The following VAV3 variants were observed in gnomAD, a reference collection of about 807,000 sequenced individuals.
The protein encoded by VAV3 is guanine nucleotide exchange factor VAV3.
VAV3 carries 94 observed loss-of-function variants against 131.2 expected under a neutral mutation model. The observed-to-expected ratio is 0.72, with a 90% CI of 0.61 to 0.85. The LOEUF (loss-of-function observed/expected upper bound fraction) is 0.85, where lower values mean the gene tolerates loss of function less well. Among genes scored for constraint, VAV3 ranks in the 40% least tolerant of loss-of-function variants. The pLI is 0.00. For missense variants in VAV3, 939 were observed against 1,002.7 expected (o/e 0.94, Z 0.86); for synonymous variants, 349 against 342.0 (o/e 1.02, Z -0.22).
At chr1:107,657,057 C>T (rs372539845) in intron 19 of VAV3, among the ~76,000 whole-genome samples, 202 of 145,536 alleles carry the variant, frequency 1.4e-3, no homozygotes, top group Middle Eastern at 4.0e-3. Context: ...GGGTTCAAAG[C>T]AATTGTCCTG....
At chr1:107,598,696 A>G (rs1651593129) in intron 24 of VAV3, among the ~76,000 whole-genome samples, 1 of 152,168 alleles carries the variant, frequency 6.6e-6, no homozygotes, top group South Asian at 2.1e-4. Flanking sequence ...GGTGAATTTT[A>G]ACATGTTTTG....
intron 19 of VAV3, among the ~76,000 whole-genome samples, chr1:107,655,329 C>T (rs936362683): frequency 6.6e-6 from 1 of 152,052 alleles, no homozygotes; most frequent in African/African-American, 2.4e-5. Flanking sequence ...GCATTTACAG[C>T]CAAGTCATTT....
At position 107,874,943 on chromosome 1, in the gene VAV3, A is replaced by G. The variant is rs761346213; in HGVS notation, c.279T>C (p.Leu93=). The G allele has an allele frequency of 3.1e-6, 5 of 1,613,468 alleles. No homozygotes were observed. The Admixed American group carries it at 5.0e-5, about 16-fold the overall frequency. Residue 93 remains leucine, a synonymous_variant, in exon 2 of 27, where the codon CTT becomes CTC. Coordinates refer to ENST00000370056, the MANE Select transcript of VAV3 (RefSeq NM_006113.5). ...CETFGMRKSE[L]FEAFDLFDVR... ...CATCAAACAAGTCAAATGCCTCGAA[A>G]AGTTCACTTTTCCTCATTCCAAACG...
At chr1:107,868,069 A>G (rs1196530399) in intron 2 of VAV3, among the ~76,000 whole-genome samples, 1 of 152,200 alleles carries the variant, frequency 6.6e-6, no homozygotes, top group Non-Finnish European at 1.5e-5. Context: ...AAGCTGTCCC[A>G]GGAACCACAC....
chr1:107,844,316 G>A (rs78730096), intron 2 of VAV3, among the ~76,000 whole-genome samples: 5,742 of 152,164 alleles, frequency 0.038, 134 homozygotes, highest in East Asian at 0.069. Flanking sequence ...CACTATCTTC[G>A]CAACCCAAAG....
At chr1:107,667,444 G>C (rs1240469097) in intron 19 of VAV3, among the ~76,000 whole-genome samples, 1 of 152,204 alleles carries the variant, frequency 6.6e-6, no homozygotes, top group Non-Finnish European at 1.5e-5. Flanking sequence ...TAATGGGGTA[G>C]CAATGCAGGA....
intron 19 of VAV3, among the ~76,000 whole-genome samples, chr1:107,681,677 CAG>C (rs1658622383): frequency 7.1e-6 from 1 of 140,336 alleles, no homozygotes; most frequent in Admixed American, 7.5e-5. Flanking sequence ...TTTTTTGAGA[CAG>C]AGTCTCGCTT....
At chr1:107,862,231 C>A (rs1300935440) in intron 2 of VAV3, among the ~76,000 whole-genome samples, 1 of 151,566 alleles carries the variant, frequency 6.6e-6, no homozygotes, top group Non-Finnish European at 1.5e-5. Context: ...GCTGCAGTGA[C>A]TGCCAAGCAT....
chr1:107,692,920 C>T (rs1160385989), intron 17 of VAV3, among the ~76,000 whole-genome samples: 1 of 152,112 alleles, frequency 6.6e-6, no homozygotes, highest in Non-Finnish European at 1.5e-5. Context: ...TGAGAGGATG[C>T]AAAGCAAGCT....
intron 2 of VAV3, among the ~76,000 whole-genome samples, chr1:107,859,235 T>C (rs943997749): frequency 5.9e-5 from 9 of 152,146 alleles, no homozygotes; most frequent in African/African-American, 2.2e-4. Context: ...CAAGCCCAGT[T>C]CATTATTTTA....
At chr1:107,692,280 T>C (rs988970231) in intron 17 of VAV3, among the ~76,000 whole-genome samples, 6 of 152,140 alleles carry the variant, frequency 3.9e-5, no homozygotes, top group African/African-American at 1.4e-4. Flanking sequence ...CCATAAACTA[T>C]AAATAATACT....
intron 1 of VAV3, among the ~76,000 whole-genome samples, chr1:107,903,252 C>G (rs1471558944): frequency 2.0e-5 from 3 of 152,154 alleles, no homozygotes; most frequent in South Asian, 2.1e-4. Context: ...AAAAAGGATT[C>G]AGAGAGCAGG....
At chr1:107,633,666 G>A (rs964677537) in intron 20 of VAV3, among the ~76,000 whole-genome samples, 5 of 152,016 alleles carry the variant, frequency 3.3e-5, no homozygotes, top group Non-Finnish European at 5.9e-5. Context: ...AAAAAAAAGC[G>A]GCAAAAGTAA....
chr1:107,573,984 G>A lies in VAV3; in HGVS notation c.2502+63C>T, dbSNP rs539827472. 9.1e-5 allele frequency: 144 copies of A among 1,586,346 alleles called. 3 individuals are homozygous for A. In the African/African-American group the frequency reaches 1.1e-3, roughly 13 times the overall value. Reference sequence around the variant, plus strand: ...AGGCTTCTCCCTGGTGCCACAATGGGTGCAAACAACTGCTCAGTCCCCTTC... The same window carrying A: ...AGGCTTCTCCCTGGTGCCACAATGGATGCAAACAACTGCTCAGTCCCCTTC... On this transcript the variant is annotated intron_variant, in intron 26 of 26. Coordinates refer to ENST00000370056, the MANE Select transcript of VAV3 (RefSeq NM_006113.5).
intron 20 of VAV3, among the ~76,000 whole-genome samples, chr1:107,625,116 G>A (rs940048096): frequency 6.6e-6 from 1 of 151,990 alleles, no homozygotes; most frequent in Non-Finnish European, 1.5e-5. Flanking sequence ...CAATGTCTCG[G>A]CTACCACCAA....
intron 2 of VAV3, among the ~76,000 whole-genome samples, chr1:107,810,134 A>T (rs17557345): frequency 0.017 from 2,635 of 152,318 alleles, 30 homozygotes; most frequent in Non-Finnish European, 0.025. Context: ...CTGATTGGGT[A>T]AATCCTAGAG....
At chr1:107,843,006 AAGAC>A (rs1035760472) in intron 2 of VAV3, among the ~76,000 whole-genome samples, 122 of 152,246 alleles carry the variant, frequency 8.0e-4, no homozygotes, top group African/African-American at 2.8e-3. Flanking sequence ...GTAGAGAAAA[AAGAC>A]AGACAGAGAG....
chr1:107,731,986 TACA>T (rs373120945), intron 15 of VAV3, among the ~76,000 whole-genome samples: 361 of 152,322 alleles, frequency 2.4e-3, no homozygotes, highest in East Asian at 8.1e-3. Context: ...ACACTTAACT[TACA>T]ACAACTTACT....
At chr1:107,772,122 CTGT>C (rs1458767277) in intron 5 of VAV3, among the ~76,000 whole-genome samples, 1 of 152,154 alleles carries the variant, frequency 6.6e-6, no homozygotes, top group Non-Finnish European at 1.5e-5. Context: ...CTGACTTTTT[CTGT>C]TGTTGTTTCA....
Sources: gnomAD v4.1 joint callset for allele counts (sites outside exome capture counted in the v4.1 genomes callset) on GRCh38, gnomAD v4.1.1 for gene constraint, MANE v1.5 for transcripts, NCBI Gene and HGNC (gene_info 2026-07-23, HGNC 2026-07-21) for gene names.